ZNF407: variants seen among roughly 807,000 people sequenced by gnomAD.
ZNF407 encodes the protein zinc finger protein 407.
Under a neutral mutation model 131.2 loss-of-function variants are expected in ZNF407, and 17 were observed. That is an observed-to-expected ratio of 0.13 (90% CI 0.09 to 0.19). The LOEUF (loss-of-function observed/expected upper bound fraction) is 0.19. Ranked by LOEUF, ZNF407 falls within the 10% of genes least tolerant of loss-of-function variation. The probability of loss-of-function intolerance (pLI) is 1.00; values close to 1 mark genes in which losing one functional copy is unlikely to be tolerated. For missense variants in ZNF407, 2,681 were observed against 2,830.6 expected, an observed-to-expected ratio of 0.95 and a Z score of 1.20; for synonymous variants, 1,156 against 1,062.0, an observed-to-expected ratio of 1.09 and a Z score of -1.72.
chr18:74,852,924 T>C (rs1970809700), intron 4 of ZNF407, among the ~76,000 whole-genome samples: 1 of 152,236 alleles, frequency 6.6e-6, no homozygotes, highest in Non-Finnish European at 1.5e-5. Context: ...ACAATTTCTG[T>C]TTGCTGTATA....
chr18:74,813,119 T>G (rs1258378511), intron 4 of ZNF407, among the ~76,000 whole-genome samples: 1 of 152,210 alleles, frequency 6.6e-6, no homozygotes, highest in Admixed American at 6.5e-5. Context: ...ATGGCCCTTT[T>G]CTCTGTTAGG....
chr18:74,925,401 T>A (rs779176132), intron 8 of ZNF407, among the ~76,000 whole-genome samples: 1 of 152,230 alleles, frequency 6.6e-6, no homozygotes, highest in African/African-American at 2.4e-5. Flanking sequence ...AGTTTGACTC[T>A]TATCAAAACC....
chr18:74,608,513 A>G (rs1982910241), intron 1 of ZNF407, among the ~76,000 whole-genome samples: 1 of 151,848 alleles, frequency 6.6e-6, no homozygotes, highest in South Asian at 2.1e-4. Context: ...CATCCGGCTA[A>G]TTTTTGTGTT....
chr18:74,997,558 T>C (rs923914782), intron 8 of ZNF407, among the ~76,000 whole-genome samples: 1 of 152,230 alleles, frequency 6.6e-6, no homozygotes, highest in Non-Finnish European at 1.5e-5. Flanking sequence ...GTGCCCTTTT[T>C]GTGTCCATGG....
chr18:74,882,088 A>G (rs957541825), intron 6 of ZNF407, among the ~76,000 whole-genome samples: 1 of 152,208 alleles, frequency 6.6e-6, no homozygotes, highest in Non-Finnish European at 1.5e-5. Context: ...CTCTCCCACA[A>G]CATGTGGGAA....
chr18:74,795,965 C>A (rs1429886984), intron 4 of ZNF407, among the ~76,000 whole-genome samples: 1 of 152,258 alleles, frequency 6.6e-6, no homozygotes, highest in Admixed American at 6.5e-5. Flanking sequence ...CACACACGCA[C>A]ACGTGCCCTT....
intron 8 of ZNF407, among the ~76,000 whole-genome samples, chr18:75,059,685 C>G (rs1973601791): frequency 6.6e-6 from 1 of 152,124 alleles, no homozygotes; most frequent in Admixed American, 6.6e-5. Context: ...CGGGGATCAG[C>G]CACACGGGCC....
intron 8 of ZNF407, among the ~76,000 whole-genome samples, chr18:75,055,514 G>A (rs930471935): frequency 2.2e-4 from 33 of 152,230 alleles, no homozygotes; most frequent in African/African-American, 7.5e-4. Flanking sequence ...CTTCATGCAT[G>A]AAAATGATAA....
intron 3 of ZNF407, among the ~76,000 whole-genome samples, chr18:74,758,083 G>T (rs1007875694): frequency 2.6e-5 from 4 of 151,882 alleles, no homozygotes; most frequent in Admixed American, 2.6e-4. Context: ...AATTTGTTTT[G>T]CCAGTCATTA....
chr18:74,693,609 G>C (rs1967281595), intron 3 of ZNF407, among the ~76,000 whole-genome samples: 3 of 152,032 alleles, frequency 2.0e-5, no homozygotes, highest in African/African-American at 4.8e-5. Context: ...AAGTCGTTTT[G>C]TTCCTCTGTA....
chr18:74,905,546 A>G (rs1971584575), intron 7 of ZNF407: 1 of 152,292 alleles, frequency 6.6e-6, no homozygotes, highest in South Asian at 2.1e-4. Context: ...AGAATGCGTC[A>G]GTGTTCATCC....
At chr18:74,896,151 A>C (rs781208087) in intron 7 of ZNF407, among the ~76,000 whole-genome samples, 3 of 152,182 alleles carry the variant, frequency 2.0e-5, no homozygotes, top group Non-Finnish European at 2.9e-5. Flanking sequence ...GGATCCCATA[A>C]AAATAATCAA....
At chr18:74,885,424 C>T (rs1238214348) in intron 6 of ZNF407, among the ~76,000 whole-genome samples, 4 of 152,112 alleles carry the variant, frequency 2.6e-5, no homozygotes, top group South Asian at 2.1e-4. Context: ...ATTTCCATTT[C>T]GTTCACATCG....
chr18:75,047,408 C>T (rs1437563153), intron 8 of ZNF407, among the ~76,000 whole-genome samples: 2 of 152,196 alleles, frequency 1.3e-5, no homozygotes, highest in African/African-American at 4.8e-5. Context: ...AGCCAGGGAC[C>T]CTCTGCCTTC....
rs912246101 is a variant in ZNF407 at position 74,964,611 on chromosome 18, A to T, written c.5428+43919A>T. Among the ~76,000 whole-genome samples the T allele has an allele frequency of 6.7e-4, 85 of 127,036 alleles. 1 individual carries two copies. Among genetic ancestry groups the T allele is most frequent in the African/African-American group, 2.2e-3 (78 of 35,168 alleles). The allele number at this position is 127,036 out of a possible 152,430, so 83.3% of individuals were successfully genotyped here. A position where few individuals can be genotyped will look rare whatever the true frequency, so the allele number is the denominator to read the frequency against. On this transcript the variant is annotated intron_variant, in intron 8 of 8. Coordinates refer to ENST00000299687, the MANE Select transcript of ZNF407 (RefSeq NM_017757.3). Reference sequence around the variant, plus strand: ...TTTTTTTTTTTTTTTGGGTCTTCTGAACCAATATTATAACCAAACTTTTAA... The same window carrying T: ...TTTTTTTTTTTTTTTGGGTCTTCTGTACCAATATTATAACCAAACTTTTAA...
chr18:74,976,227 G>A (rs941297859), intron 8 of ZNF407, among the ~76,000 whole-genome samples: 1 of 152,146 alleles, frequency 6.6e-6, no homozygotes, highest in Non-Finnish European at 1.5e-5. Flanking sequence ...TGAATCCTGT[G>A]ATCATTCACT....
intron 3 of ZNF407, among the ~76,000 whole-genome samples, chr18:74,655,286 T>C (rs996672833): frequency 6.6e-6 from 1 of 152,030 alleles, no homozygotes; most frequent in East Asian, 1.9e-4. Flanking sequence ...TTATTTCAAA[T>C]GCAACACACA....
chr18:74,752,589 A>T (rs1161365877), intron 3 of ZNF407, among the ~76,000 whole-genome samples: 1 of 152,216 alleles, frequency 6.6e-6, no homozygotes, highest in African/African-American at 2.4e-5. Context: ...AGCTTTCTAC[A>T]TATGGCTAGC....
At chr18:74,735,328 G>T (rs1250084079) in intron 3 of ZNF407, among the ~76,000 whole-genome samples, 1 of 152,126 alleles carries the variant, frequency 6.6e-6, no homozygotes, top group Non-Finnish European at 1.5e-5. Context: ...TTGGCAAGTG[G>T]TCCTCATTTT....
Sources: allele counts gnomAD v4.1 joint callset (sites outside exome capture counted in the v4.1 genomes callset), GRCh38; gene constraint gnomAD v4.1.1; transcripts MANE v1.5; gene names NCBI Gene and HGNC (gene_info 2026-07-23, HGNC 2026-07-21).